Variants in SEL1L2 observed in about 807,000 individuals in gnomAD.
SEL1L2 encodes protein sel-1 homolog 2.
A neutral mutation model predicts 98.8 loss-of-function variants in SEL1L2; 89 were observed. The observed-to-expected ratio is 0.90, with a 90% confidence interval of 0.76 to 1.07. The LOEUF is 1.07. Among genes scored for constraint, SEL1L2 ranks in the 50% least tolerant of loss-of-function variants. The probability of loss-of-function intolerance (pLI) is 0.00; values close to 1 mark genes in which losing one functional copy is unlikely to be tolerated. For missense variants in SEL1L2, 788 were observed against 812.0 expected, an observed-to-expected ratio of 0.97 and a Z score of 0.36; for synonymous variants, 262 against 278.5, an observed-to-expected ratio of 0.94 and a Z score of 0.59.
At chr20:13,894,450 T>C (rs975071448) in intron 5 of SEL1L2, among the ~76,000 whole-genome samples, 1 of 151,976 alleles carries the variant, frequency 6.6e-6, no homozygotes, top group Non-Finnish European at 1.5e-5. Flanking sequence ...ATCCCAGCTA[T>C]TGGGGAGGCT....
At chr20:13,910,438 A>T (rs1422915889) in intron 5 of SEL1L2, among the ~76,000 whole-genome samples, 2 of 152,222 alleles carry the variant, frequency 1.3e-5, no homozygotes, top group African/African-American at 2.4e-5. Flanking sequence ...ACTTCTTCAG[A>T]GATACTAAAA....
At chr20:13,870,979 A>G (rs952004277) in intron 12 of SEL1L2, among the ~76,000 whole-genome samples, 6 of 150,458 alleles carry the variant, frequency 4.0e-5, no homozygotes, top group Non-Finnish European at 5.9e-5. Context: ...CACCTAGAAG[A>G]GGGACACTCT....
At chr20:13,987,362 T>C (rs1601062890) in intron 1 of SEL1L2, among the ~76,000 whole-genome samples, 1 of 151,598 alleles carries the variant, frequency 6.6e-6, no homozygotes. Flanking sequence ...TGGTTTCTTT[T>C]TGAGACAGAG....
At chr20:13,960,187 TAG>T (rs2050716358) in intron 1 of SEL1L2, among the ~76,000 whole-genome samples, 1 of 152,140 alleles carries the variant, frequency 6.6e-6, no homozygotes, top group Admixed American at 6.5e-5. Context: ...AGAATAAAAT[TAG>T]AGTTAGTATG....
chr20:13,959,450 C>T (rs1305118059), intron 1 of SEL1L2, among the ~76,000 whole-genome samples: 1 of 152,140 alleles, frequency 6.6e-6, no homozygotes, highest in Non-Finnish European at 1.5e-5. Flanking sequence ...TGAAGAGATG[C>T]ACCGAAAACT....
intron 2 of SEL1L2, among the ~76,000 whole-genome samples, chr20:13,944,410 G>T (rs963765870): frequency 1.3e-5 from 2 of 152,176 alleles, no homozygotes; most frequent in African/African-American, 4.8e-5. Flanking sequence ...AGTTAAAAGG[G>T]ATTGGATTCC....
chr20:13,951,356 T>C (rs1440056461), intron 2 of SEL1L2, among the ~76,000 whole-genome samples: 1 of 137,546 alleles, frequency 7.3e-6, no homozygotes, highest in East Asian at 2.3e-4. Context: ...TGCTCACTCC[T>C]GTAATCCCAG....
At chr20:13,913,682 G>T in intron 5 of SEL1L2, 100 bp downstream of exon 5, 1 of 1,107,000 alleles carries the variant, frequency 9.0e-7, no homozygotes, top group Non-Finnish European at 1.2e-6. Context: ...CTGGGTTCAT[G>T]CAGCAGAGCT....
In SEL1L2 at chr20:13,985,245, C is replaced by T. The variant is rs181923659; in HGVS notation, c.58+5232G>A. Among the ~76,000 whole-genome samples, 71 of 152,296 alleles carry T rather than the reference C, an allele frequency of 4.7e-4. 1 individual carries two copies. In the East Asian group the frequency reaches 0.012, roughly 26 times the overall value. On this transcript the variant is annotated intron_variant, in intron 1 of 19. Coordinates refer to ENST00000284951, the MANE Select transcript of SEL1L2 (RefSeq NM_025229.2). ...ATAAAGCCCAAACTTCATAGCCTGT[C>T]ATACAAAGTCCCTGCCTACCACTCC...
rs572332816 is a variant in SEL1L2 at position 13,947,017 on chromosome 20, G to A, written c.114+9059C>T. ...TCCACATGAACAGCCTGGGGACCAT[G>A]GATGACATGTAGATGGCAGCAGGAG... On this transcript the variant is annotated intron_variant, in intron 2 of 19. Coordinates refer to ENST00000284951, the MANE Select transcript of SEL1L2 (RefSeq NM_025229.2). Among the ~76,000 whole-genome samples, 4 of 152,296 alleles carry A rather than the reference G, an allele frequency of 2.6e-5. No individual in the cohort carries two copies. In the East Asian group the frequency reaches 7.7e-4, roughly 29 times the overall value.
intron 5 of SEL1L2, among the ~76,000 whole-genome samples, chr20:13,911,883 A>G (rs902436014): frequency 3.9e-5 from 6 of 152,150 alleles, no homozygotes; most frequent in Non-Finnish European, 5.9e-5. Context: ...TTTGACCAAT[A>G]TCTCCCTAAT....
intron 3 of SEL1L2, among the ~76,000 whole-genome samples, chr20:13,925,946 A>G (rs2048872010): frequency 6.6e-6 from 1 of 152,242 alleles, no homozygotes. Flanking sequence ...ACTTGTAGTA[A>G]ATACTAGGAA....
At chr20:13,972,609 T>A (rs148534230) in intron 1 of SEL1L2, among the ~76,000 whole-genome samples, 144 of 152,186 alleles carry the variant, frequency 9.5e-4, no homozygotes, top group Non-Finnish European at 1.8e-3. Context: ...AATCCATTCA[T>A]GTATGAAAAT....
chr20:13,974,542 G>A (rs1189050007), intron 1 of SEL1L2, among the ~76,000 whole-genome samples: 1 of 123,690 alleles, frequency 8.1e-6, no homozygotes, highest in African/African-American at 3.1e-5. Context: ...GCAGTGGCAT[G>A]ATCCTGGCTT....
Position 13,956,210 on chromosome 20 carries a change from A to C in SEL1L2, c.59-79T>G, listed in dbSNP as rs2050535066. ...TTCACTAAATACAATTTATTGTTAA[A>C]AAAACTTCTAGAAAACTTTTAGAAC... On this transcript the variant is annotated intron_variant, in intron 1 of 19. Transcript: ENST00000284951. 17 of 726,466 alleles carry C rather than the reference A, an allele frequency of 2.3e-5. No individual in the cohort carries two copies. The South Asian group carries it at 3.1e-4, about 13-fold the overall frequency. The allele number at this position is 726,466 out of a possible 1,614,324, so 45.0% of individuals were successfully genotyped here.
intron 2 of SEL1L2, among the ~76,000 whole-genome samples, chr20:13,954,597 CT>C (rs2050434762): frequency 6.6e-6 from 1 of 151,946 alleles, no homozygotes; most frequent in African/African-American, 2.4e-5. Context: ...TAGAATAGTT[CT>C]TAGTTTTCTT....
At chr20:13,977,686 G>A (rs1039787493) in intron 1 of SEL1L2, among the ~76,000 whole-genome samples, 3 of 152,112 alleles carry the variant, frequency 2.0e-5, no homozygotes, top group Admixed American at 2.0e-4. Context: ...GTATTTATGT[G>A]TTCTGCAAGG....
upstream of SEL1L2, chr20:13,990,742 A>G (rs1290167860): frequency 3.8e-6 from 2 of 528,014 alleles, no homozygotes; most frequent in East Asian, 6.7e-5. Flanking sequence ...GAAAGGATCC[A>G]CTGCTATTCC....
At chr20:13,900,488 A>G (rs1315081991) in intron 5 of SEL1L2, among the ~76,000 whole-genome samples, 2 of 152,124 alleles carry the variant, frequency 1.3e-5, no homozygotes, top group Non-Finnish European at 2.9e-5. Context: ...GTTCCTGGAG[A>G]AGCTCGGCCC....
Sources: gnomAD v4.1 joint callset for allele counts (sites outside exome capture counted in the v4.1 genomes callset) on GRCh38, gnomAD v4.1.1 for gene constraint, MANE v1.5 for transcripts, NCBI Gene and HGNC (gene_info 2026-07-23, HGNC 2026-07-21) for gene names.